The following TMEM248 variants were observed in gnomAD, a reference collection of about 807,000 sequenced individuals.
TMEM248 encodes the protein UPF0458 protein C7orf42.
A neutral mutation model predicts 30.3 loss-of-function variants in TMEM248; 9 were observed. The ratio of observed to expected loss-of-function variants is 0.30; its 90% CI spans 0.18 to 0.52. The LOEUF (loss-of-function observed/expected upper bound fraction) is 0.52. Among genes scored for constraint, TMEM248 ranks in the 20% least tolerant of loss-of-function variants. The probability of loss-of-function intolerance (pLI) is 0.97; values close to 1 mark genes in which losing one functional copy is unlikely to be tolerated. For missense variants in TMEM248, 338 were observed against 403.3 expected, an observed-to-expected ratio of 0.84 and a Z score of 1.39; for synonymous variants, 184 against 154.4, an observed-to-expected ratio of 1.19 and a Z score of -1.42.
Position 66,932,071 on chromosome 7 carries a change from T to C in TMEM248, c.-18-9777T>C, listed in dbSNP as rs955555714. On this transcript the variant is annotated intron_variant, in intron 1 of 6. Coordinates refer to ENST00000341567, the MANE Select transcript of TMEM248 (RefSeq NM_017994.5). The stretch of plus-strand genomic sequence containing the variant: ...CACCCACCTTGGCCTCCCAAAGTGC[T>C]GGGATTACAGGCGTGAGCCACTGCA... 3.3e-5 allele frequency among the ~76,000 whole-genome samples: 5 copies of C among 152,148 alleles called. No homozygotes were observed. In the East Asian group the frequency reaches 5.8e-4, roughly 18 times the overall value.
At chr7:66,953,150 C>T in intron 5 of TMEM248, 76 bp from the exon 6 acceptor site, 1 of 1,513,730 alleles carries the variant, frequency 6.6e-7, no homozygotes, top group Non-Finnish European at 9.0e-7. Context: ...TCAATCCTGT[C>T]TCTCAAAACC....
chr7:66,927,245 G>C lies in TMEM248; in HGVS notation c.-19+5784G>C, dbSNP rs574258158. ...TATATCATGATTTTGAAAATGGAAC[G>C]ATGCATTCATTAACAACCGTAAGTG... On this transcript the variant is annotated intron_variant, in intron 1 of 6. Transcript: ENST00000341567. Among the ~76,000 whole-genome samples the C allele has an allele frequency of 1.5e-3, 221 of 152,120 alleles. 1 individual carries two copies. The highest frequency in any genetic ancestry group is 5.2e-3 in the African/African-American group (215 of 41,518).
chr7:66,936,195 G>A (rs1417276895), intron 1 of TMEM248, among the ~76,000 whole-genome samples: 1 of 152,156 alleles, frequency 6.6e-6, no homozygotes, highest in Non-Finnish European at 1.5e-5. Flanking sequence ...TTGTGGGCCT[G>A]TTGTATATGG....
intron 1 of TMEM248, among the ~76,000 whole-genome samples, chr7:66,927,436 ATCT>A (rs1271204871): frequency 6.7e-6 from 1 of 148,482 alleles, no homozygotes; most frequent in Admixed American, 6.7e-5. Context: ...TTCTTATTTG[ATCT>A]TTTTTTTTTT....
chr7:66,954,635 A>G (rs774364148), intron 6 of TMEM248, among the ~76,000 whole-genome samples: 73 of 152,192 alleles, frequency 4.8e-4, no homozygotes, highest in Non-Finnish European at 7.5e-4. Context: ...GGGCTCAAGC[A>G]ATCCACCCAC....
intron 1 of TMEM248, among the ~76,000 whole-genome samples, chr7:66,933,834 T>C (rs1245977167): frequency 1.3e-5 from 2 of 152,202 alleles, no homozygotes; most frequent in East Asian, 3.8e-4. Flanking sequence ...ATCCCTGAAC[T>C]TTTCAGAGAG....
At chr7:66,949,163 AAAAG>A (rs1246133757) in intron 4 of TMEM248, among the ~76,000 whole-genome samples, 34 of 151,658 alleles carry the variant, frequency 2.2e-4, no homozygotes, top group Non-Finnish European at 4.6e-4. Flanking sequence ...AAAAGAAAGA[AAAAG>A]AAAAAAGAAA....
chr7:66,955,317 C>T (rs984290064), intron 6 of TMEM248, among the ~76,000 whole-genome samples, 185 bp from the exon 7 acceptor site: 7 of 152,190 alleles, frequency 4.6e-5, no homozygotes, highest in South Asian at 2.1e-4. Flanking sequence ...AGATGGGCCG[C>T]GTCTTGCAGG....
intron 1 of TMEM248, 105 bp from the exon 2 acceptor site, chr7:66,941,719 ATTTCTCAAATTCAGTAATGAGTGC>A (rs1791964113): frequency 1.5e-6 from 1 of 689,222 alleles, no homozygotes; most frequent in African/African-American, 1.8e-5. Context: ...ATGATCCGAC[ATTTCTCAAATTCAGTAATGAGTGC>A]CCATCCCACC....
At position 66,933,380 on chromosome 7, in the gene TMEM248, T is replaced by G. The variant is rs7795533; in HGVS notation, c.-18-8468T>G. ...AATACTGGGGAGAAATCCTGCTTTA[T>G]TCAGTTGTCCCCTGCTATTGTTGGA... is the stretch of plus-strand genomic sequence containing the variant. On this transcript the variant is annotated intron_variant, in intron 1 of 6. Coordinates refer to ENST00000341567, the MANE Select transcript of TMEM248 (RefSeq NM_017994.5). Among the ~76,000 whole-genome samples the G allele has an allele frequency of 3.6e-3, 551 of 152,368 alleles. 5 individuals are homozygous for G. The highest frequency in any genetic ancestry group is 0.013 in the African/African-American group (529 of 41,586).
At chr7:66,927,524 T>G (rs561196893) in intron 1 of TMEM248, among the ~76,000 whole-genome samples, 154 of 151,992 alleles carry the variant, frequency 1.0e-3, no homozygotes, top group African/African-American at 3.6e-3. Context: ...CACAGTAGCC[T>G]TGAACTCTTG....
intron 1 of TMEM248, among the ~76,000 whole-genome samples, chr7:66,932,817 A>G (rs1791702387): frequency 6.8e-6 from 1 of 147,710 alleles, no homozygotes; most frequent in Non-Finnish European, 1.5e-5. Flanking sequence ...CGCCTGGCCG[A>G]TTTTATTTTT....
chr7:66,942,279 G>C (rs1791984353), intron 2 of TMEM248, among the ~76,000 whole-genome samples: 1 of 152,222 alleles, frequency 6.6e-6, no homozygotes, highest in Admixed American at 6.5e-5. Context: ...GCACTTTGGA[G>C]AGTACATTTG....
intron 1 of TMEM248, among the ~76,000 whole-genome samples, chr7:66,937,452 G>A (rs1051601398): frequency 6.6e-6 from 1 of 152,226 alleles, no homozygotes; most frequent in African/African-American, 2.4e-5. Context: ...TGAAAGCAGA[G>A]TGTTGAAGTC....
intron 6 of TMEM248, among the ~76,000 whole-genome samples, chr7:66,953,762 G>A (rs1792329952): frequency 6.6e-6 from 1 of 150,868 alleles, no homozygotes; most frequent in East Asian, 2.0e-4. Context: ...AAGCCACCGC[G>A]TCCCACTAAG....
chr7:66,938,547 C>T (rs866376562), intron 1 of TMEM248, among the ~76,000 whole-genome samples: 2 of 152,176 alleles, frequency 1.3e-5, no homozygotes, highest in African/African-American at 2.4e-5. Context: ...CTCGCTCTAT[C>T]GTCGAAGCTG....
rs559729164 is a variant in TMEM248, at chr7:66,941,742, G to A, written c.-18-106G>A. Reference sequence around the variant, plus strand: ...ACATTTCTCAAATTCAGTAATGAGTGCCCATCCCACCCAGCTCACCCCCCA... The same window carrying A: ...ACATTTCTCAAATTCAGTAATGAGTACCCATCCCACCCAGCTCACCCCCCA... On this transcript the variant is annotated intron_variant, in intron 1 of 6. Coordinates refer to ENST00000341567, the MANE Select transcript of TMEM248 (RefSeq NM_017994.5). The A allele has an allele frequency of 4.7e-6, 4 of 845,934 alleles. No homozygotes were observed. In the Admixed American group the frequency reaches 8.0e-5, roughly 17 times the overall value. The allele number at this position is 845,934 out of a possible 1,614,324, so 52.4% of individuals were successfully genotyped here.
intron 1 of TMEM248, among the ~76,000 whole-genome samples, chr7:66,940,779 G>A (rs1791925951): frequency 1.3e-5 from 2 of 152,192 alleles, no homozygotes; most frequent in Admixed American, 1.3e-4. Context: ...ATGGCTGTGA[G>A]CCATATGGCA....
At chr7:66,949,070 G>C (rs1431802722) in intron 4 of TMEM248, among the ~76,000 whole-genome samples, 1 of 151,842 alleles carries the variant, frequency 6.6e-6, no homozygotes, top group Non-Finnish European at 1.5e-5. Flanking sequence ...GAAGGCTGAG[G>C]TGGGAGGATC....
Sources: gnomAD v4.1 joint callset for allele counts (sites outside exome capture counted in the v4.1 genomes callset) on GRCh38, gnomAD v4.1.1 for gene constraint, MANE v1.5 for transcripts, NCBI Gene and HGNC (gene_info 2026-07-23, HGNC 2026-07-21) for gene names.